ZNF385D: variants seen among roughly 807,000 people sequenced by gnomAD.
ZNF385D encodes zinc finger protein 385D, also known as zinc finger protein 659.
ZNF385D carries 15 observed loss-of-function variants against 35.8 expected under a neutral mutation model. That is an observed-to-expected ratio of 0.42 (90% CI 0.28 to 0.64). The LOEUF (loss-of-function observed/expected upper bound fraction) is 0.64. Among genes scored for constraint, ZNF385D ranks in the 30% least tolerant of loss-of-function variants. ZNF385D has a pLI of 0.23. For synonymous variants in ZNF385D, 212 were observed against 186.8 expected (o/e 1.13, Z -1.10); for missense variants, 474 against 494.6 (o/e 0.96, Z 0.39).
At chr3:22,008,700 A>C (rs929698594) in intron 3 of ZNF385D, among the ~76,000 whole-genome samples, 1 of 152,200 alleles carries the variant, frequency 6.6e-6, no homozygotes, top group Admixed American at 6.5e-5. Flanking sequence ...TTGGGAAGCC[A>C]TAACAAAACA....
chr3:21,774,509 C>A (rs564153435), intron 3 of ZNF385D, among the ~76,000 whole-genome samples: 1 of 151,792 alleles, frequency 6.6e-6, no homozygotes, highest in Non-Finnish European at 1.5e-5. Flanking sequence ...ATGGGATGCT[C>A]TGATGGAAAC....
chr3:21,857,994 T>G (rs985668039), intron 3 of ZNF385D, among the ~76,000 whole-genome samples: 12 of 151,858 alleles, frequency 7.9e-5, no homozygotes, highest in African/African-American at 2.2e-4. Context: ...TAATCCCATC[T>G]CTACTAAAAA....
intron 3 of ZNF385D, among the ~76,000 whole-genome samples, chr3:22,087,906 T>A (rs1701129981): frequency 6.6e-6 from 1 of 152,202 alleles, no homozygotes; most frequent in Non-Finnish European, 1.5e-5. Flanking sequence ...GACTTTTCTT[T>A]CTCATGTTTC....
At chr3:22,287,970 G>T (rs982115822) in intron 2 of ZNF385D, among the ~76,000 whole-genome samples, 1 of 151,942 alleles carries the variant, frequency 6.6e-6, no homozygotes, top group Non-Finnish European at 1.5e-5. Context: ...GCTTTTGTTT[G>T]TCTGAGAAAG....
At chr3:21,877,944 C>G (rs372400919) in intron 3 of ZNF385D, 1 of 151,972 alleles carries the variant, frequency 6.6e-6, no homozygotes, top group Non-Finnish European at 1.5e-5. Flanking sequence ...ATTTTAATTA[C>G]AACAGCAATG....
chr3:22,135,822 C>T (rs895526821), intron 3 of ZNF385D, among the ~76,000 whole-genome samples: 1 of 152,046 alleles, frequency 6.6e-6, no homozygotes, highest in African/African-American at 2.4e-5. Flanking sequence ...CAGAAATTGA[C>T]CCACACAAGT....
At chr3:21,524,352 A>T (rs1257610320) in intron 3 of ZNF385D, among the ~76,000 whole-genome samples, 1 of 152,236 alleles carries the variant, frequency 6.6e-6, no homozygotes, top group Non-Finnish European at 1.5e-5. Flanking sequence ...ACTGAAACAC[A>T]ATCCTTCATC....
At chr3:21,441,165 C>A (rs577798572) in intron 4 of ZNF385D, among the ~76,000 whole-genome samples, 1 of 152,238 alleles carries the variant, frequency 6.6e-6, no homozygotes, top group African/African-American at 2.4e-5. Flanking sequence ...ACTTCTTAAT[C>A]TGCTTTATTC....
intron 2 of ZNF385D, among the ~76,000 whole-genome samples, chr3:22,302,331 T>TAAAA (rs1702945573): frequency 6.6e-6 from 1 of 151,902 alleles, no homozygotes; most frequent in Non-Finnish European, 1.5e-5. Flanking sequence ...ATGAGTTAGT[T>TAAAA]TCTCATTGTG....
chr3:21,952,271 TA>T (rs1265363832), intron 3 of ZNF385D, among the ~76,000 whole-genome samples: 1 of 152,066 alleles, frequency 6.6e-6, no homozygotes, highest in African/African-American at 2.4e-5. Context: ...CCACTACTTT[TA>T]TTTCCATTCC....
chr3:21,872,187 C>G (rs1697729483), intron 3 of ZNF385D, among the ~76,000 whole-genome samples: 1 of 152,042 alleles, frequency 6.6e-6, no homozygotes, highest in Non-Finnish European at 1.5e-5. Context: ...AAATTACACA[C>G]AAAAACAGAA....
intron 3 of ZNF385D, among the ~76,000 whole-genome samples, chr3:22,022,719 C>A (rs1297417633): frequency 6.6e-6 from 1 of 151,754 alleles, no homozygotes; most frequent in Non-Finnish European, 1.5e-5. Context: ...AAAGAACGAA[C>A]AAGGAATAGA....
chr3:21,419,179 T>C lies in ZNF385D; in HGVS notation c.*2035A>G, dbSNP rs117941887. On this transcript the variant is annotated 3_prime_UTR_variant, in exon 8 of 8. Coordinates refer to ENST00000281523, the MANE Select transcript of ZNF385D (RefSeq NM_024697.3). ...TCCCTTCCCCATCTCCTTTCCTTCC[T>C]TCCTTCCCTCCTTTCTTCCTTCCTT... is the stretch of plus-strand genomic sequence containing the variant. The C allele has an allele frequency of 9.5e-4, 146 of 154,152 alleles. 3 individuals are homozygous for C. In the East Asian group the frequency reaches 0.022, roughly 23 times the overall value. 9.5% of individuals were successfully genotyped at this position (154,152 alleles called of 1,614,324 possible).
rs143092474 is a variant in ZNF385D, at chr3:22,321,522, C to G, written c.106+50928G>C. ...CTGGGACTACAGGGGCCCGCCACCACGCCCGGCTAATTTTTTGTATTTTTA... is the reference window on the plus strand; with the variant it reads ...CTGGGACTACAGGGGCCCGCCACCAGGCCCGGCTAATTTTTTGTATTTTTA... On this transcript the variant is annotated intron_variant, in intron 2 of 5. Transcript: ENST00000494108. Among the ~76,000 whole-genome samples, 590 of 151,898 alleles carry G rather than the reference C, an allele frequency of 3.9e-3. 4 individuals carry two copies. The highest frequency in any genetic ancestry group is 0.013 in the African/African-American group (548 of 41,410).
intron 2 of ZNF385D, among the ~76,000 whole-genome samples, chr3:21,606,498 CTT>C (rs1439287640): frequency 2.0e-5 from 3 of 152,168 alleles, no homozygotes; most frequent in Non-Finnish European, 4.4e-5. Flanking sequence ...CCATAGGTGA[CTT>C]TAGACTGCAT....
At chr3:22,208,501 T>C (rs1438627390) in intron 2 of ZNF385D, among the ~76,000 whole-genome samples, 1 of 151,592 alleles carries the variant, frequency 6.6e-6, no homozygotes, top group Non-Finnish European at 1.5e-5. Flanking sequence ...GTACAAAAAA[T>C]AGTTGGAAAA....
At chr3:21,662,627 T>C (rs1321043069) in intron 2 of ZNF385D, among the ~76,000 whole-genome samples, 1 of 152,146 alleles carries the variant, frequency 6.6e-6, no homozygotes, top group Non-Finnish European at 1.5e-5. Flanking sequence ...TTCACTTCAG[T>C]TGGAAGCAAG....
At chr3:21,462,489 T>C (rs1301610531) in intron 4 of ZNF385D, among the ~76,000 whole-genome samples, 2 of 152,322 alleles carry the variant, frequency 1.3e-5, no homozygotes, top group East Asian at 3.9e-4. Flanking sequence ...AATACCTTGA[T>C]ACCATTTTAA....
chr3:22,298,114 G>A (rs999269182), intron 2 of ZNF385D, among the ~76,000 whole-genome samples: 1 of 151,816 alleles, frequency 6.6e-6, no homozygotes, highest in African/African-American at 2.4e-5. Flanking sequence ...TAATCTTCGT[G>A]CTTTAAGAAA....
Sources: gnomAD v4.1 joint callset for allele counts (sites outside exome capture counted in the v4.1 genomes callset) on GRCh38, gnomAD v4.1.1 for gene constraint, MANE v1.5 for transcripts, NCBI Gene and HGNC (gene_info 2026-07-23, HGNC 2026-07-21) for gene names.